Variants in NMBR observed in about 807,000 individuals in gnomAD.
The protein encoded by NMBR is neuromedin B receptor.
A neutral mutation model predicts 20.5 loss-of-function variants in NMBR; 16 were observed. That is an observed-to-expected ratio of 0.78 (90% CI 0.53 to 1.19). The LOEUF is 1.19. Among genes scored for constraint, NMBR ranks in the 50% most tolerant of loss-of-function variants. The pLI is 0.00. For missense variants in NMBR, 582 were observed against 499.1 expected, an observed-to-expected ratio of 1.17 and a Z score of -1.58; for synonymous variants, 212 against 196.6, an observed-to-expected ratio of 1.08 and a Z score of -0.65.
At chr6:142,116,881 A>G (rs1415396004) in intron 1 of NMBR, among the ~76,000 whole-genome samples, 1 of 151,970 alleles carries the variant, frequency 6.6e-6, no homozygotes, top group East Asian at 1.9e-4. Flanking sequence ...ATTGCTTTTT[A>G]CCAATTATTA....
chr6:142,089,483 A>G (rs1180383225), intron 1 of NMBR, among the ~76,000 whole-genome samples, 162 bp from the exon 2 acceptor site: 1 of 152,160 alleles, frequency 6.6e-6, no homozygotes, highest in Non-Finnish European at 1.5e-5. Context: ...ATTTTATTGA[A>G]TTATAACGTG....
chr6:142,141,261 A>C (rs1196551889), intron 1 of NMBR, among the ~76,000 whole-genome samples: 2 of 152,204 alleles, frequency 1.3e-5, no homozygotes, highest in Non-Finnish European at 2.9e-5. Context: ...AATAAAATTA[A>C]GATATCAGGG....
intron 1 of NMBR, among the ~76,000 whole-genome samples, chr6:142,111,024 G>A (rs1777754178): frequency 1.3e-5 from 2 of 152,102 alleles, no homozygotes; most frequent in South Asian, 4.2e-4. Context: ...TGGATCACTT[G>A]AGGCCAGGAG....
intron 1 of NMBR, among the ~76,000 whole-genome samples, chr6:142,129,744 T>G (rs1490734270): frequency 6.6e-6 from 1 of 152,154 alleles, no homozygotes; most frequent in Middle Eastern, 3.2e-3. Flanking sequence ...TATATAGTAG[T>G]CTGTATAACA....
At position 142,074,808 on chromosome 6, in the gene NMBR, T is replaced by G. The variant is rs80201652; in HGVS notation, c.*840A>C. Among the ~76,000 whole-genome samples the G allele has an allele frequency of 0.012, 1,845 of 152,236 alleles. 37 individuals carry two copies. Among genetic ancestry groups the G allele is most frequent in the South Asian group, 0.068 (327 of 4,824 alleles). The stretch of plus-strand genomic sequence containing the variant: ...AACTTGTGAGTTGTAGCTTTGCAAT[T>G]TGGGACATATGATACCTATTTTACA... On this transcript the variant is annotated 3_prime_UTR_variant, in exon 4 of 4. Coordinates refer to ENST00000258042, the MANE Select transcript of NMBR (RefSeq NM_002511.4).
intron 1 of NMBR, among the ~76,000 whole-genome samples, chr6:142,099,775 A>G (rs1417969478): frequency 6.6e-6 from 1 of 152,216 alleles, no homozygotes. Context: ...CAGGCTAAAG[A>G]CTAGGATTTA....
At chr6:142,113,982 T>C (rs1216344592) in intron 1 of NMBR, among the ~76,000 whole-genome samples, 1 of 152,134 alleles carries the variant, frequency 6.6e-6, no homozygotes, top group Non-Finnish European at 1.5e-5. Context: ...TTTTGCCCAA[T>C]TCCCCCTACG....
At chr6:142,079,139 A>AAGAAAGAG (rs1562390282) in intron 2 of NMBR, among the ~76,000 whole-genome samples, 6 of 103,626 alleles carry the variant, frequency 5.8e-5, no homozygotes, top group African/African-American at 2.6e-4. Context: ...GAAAGAAAGA[A>AAGAAAGAG]AGAAAAAGAA....
chr6:142,118,272 C>T (rs531995071), intron 1 of NMBR, among the ~76,000 whole-genome samples: 3 of 152,058 alleles, frequency 2.0e-5, no homozygotes, highest in African/African-American at 7.2e-5. Context: ...TTCTAATACA[C>T]TTATATTTGT....
intron 3 of NMBR, 80 bp from the exon 4 acceptor site, chr6:142,076,129 G>C (rs755132829): frequency 1.0e-5 from 13 of 1,239,364 alleles, no homozygotes; most frequent in Non-Finnish European, 1.5e-5. Flanking sequence ...AGTCAGGAAA[G>C]AGCAAAATTT....
intron 1 of NMBR, among the ~76,000 whole-genome samples, chr6:142,143,821 T>C (rs1778391625): frequency 6.7e-6 from 1 of 150,028 alleles, no homozygotes; most frequent in Non-Finnish European, 1.5e-5. Flanking sequence ...TTACACTACA[T>C]ACTCTGAAGA....
At chr6:142,094,610 C>T (rs550609842) in intron 1 of NMBR, among the ~76,000 whole-genome samples, 19 of 152,242 alleles carry the variant, frequency 1.2e-4, no homozygotes, top group Admixed American at 2.0e-4. Context: ...GTTCTTTTGG[C>T]TTAGGATTGA....
At chr6:142,138,168 T>C (rs1030537542) in intron 1 of NMBR, among the ~76,000 whole-genome samples, 1 of 152,184 alleles carries the variant, frequency 6.6e-6, no homozygotes, top group Non-Finnish European at 1.5e-5. Flanking sequence ...TTTGATTCAT[T>C]TGATATTATT....
intron 1 of NMBR, among the ~76,000 whole-genome samples, chr6:142,123,229 G>A (rs1399567946): frequency 1.3e-5 from 2 of 151,920 alleles, no homozygotes; most frequent in Non-Finnish European, 2.9e-5. Context: ...AGTAACTGCA[G>A]ATGGGATGGA....
chr6:142,093,108 T>C (rs1777361832), intron 1 of NMBR, among the ~76,000 whole-genome samples: 1 of 152,104 alleles, frequency 6.6e-6, no homozygotes, highest in Non-Finnish European at 1.5e-5. Flanking sequence ...AAACTAGTTC[T>C]AAGAAACCTG....
At chr6:142,096,388 T>G (rs1777452807) in intron 1 of NMBR, among the ~76,000 whole-genome samples, 1 of 152,218 alleles carries the variant, frequency 6.6e-6, no homozygotes, top group Non-Finnish European at 1.5e-5. Flanking sequence ...ACATCTTTAT[T>G]TCTGCCTTCA....
intron 1 of NMBR, among the ~76,000 whole-genome samples, chr6:142,097,890 A>G (rs1270408157): frequency 4.6e-5 from 7 of 152,144 alleles, no homozygotes. Flanking sequence ...TTACAGAAGA[A>G]AAAAGTCATA....
chr6:142,106,705 C>T (rs6939944), intron 1 of NMBR, among the ~76,000 whole-genome samples: 87,009 of 152,010 alleles, frequency 0.57, 25,533 homozygotes, highest in East Asian at 0.83. Context: ...AAAGACAACT[C>T]TTAGGTGAAA....
chr6:142,088,822 C>T lies in NMBR; in HGVS notation c.-164G>A, dbSNP rs926472053. 1.6e-6 allele frequency: 1 copy of T among 634,088 alleles called. No homozygotes were observed. Among genetic ancestry groups the T allele is most frequent in the Non-Finnish European group, 2.7e-6 (1 of 369,626 alleles). The allele number at this position is 634,088 out of a possible 1,614,324, so 39.3% of individuals were successfully genotyped here. On this transcript the variant is annotated 5_prime_UTR_variant, in exon 2 of 4. Transcript: ENST00000258042. ...CACCACGTCCCTAAGAGTTCAGGAC[C>T]TGGGGAGGGGTCTGTCCACACACTC...
Sources: gnomAD v4.1 joint callset for allele counts (sites outside exome capture counted in the v4.1 genomes callset) on GRCh38, gnomAD v4.1.1 for gene constraint, MANE v1.5 for transcripts, NCBI Gene and HGNC (gene_info 2026-07-23, HGNC 2026-07-21) for gene names.